DRD2: variants seen among roughly 807,000 people sequenced by gnomAD.
The protein encoded by DRD2 is D(2) dopamine receptor.
DRD2 carries 8 observed loss-of-function variants against 38.0 expected under a neutral mutation model. The ratio of observed to expected loss-of-function variants is 0.21; its 90% CI spans 0.12 to 0.38. DRD2 has a LOEUF of 0.38. Ranked by LOEUF, DRD2 falls within the 10% of genes least tolerant of loss-of-function variation. The probability of loss-of-function intolerance (pLI) is 1.00; values close to 1 mark genes in which losing one functional copy is unlikely to be tolerated. For missense variants in DRD2, 403 were observed against 607.7 expected, an observed-to-expected ratio of 0.66 and a Z score of 3.54; for synonymous variants, 230 against 238.6, an observed-to-expected ratio of 0.96 and a Z score of 0.33.
intron 1 of DRD2, among the ~76,000 whole-genome samples, chr11:113,443,623 C>G (rs1264385251): frequency 6.6e-6 from 1 of 152,226 alleles, no homozygotes; most frequent in African/African-American, 2.4e-5. Context: ...CCTAGCATAC[C>G]AGGAGAGCTG....
chr11:113,456,251 T>C (rs1181856868), intron 1 of DRD2, among the ~76,000 whole-genome samples: 1 of 152,166 alleles, frequency 6.6e-6, no homozygotes, highest in East Asian at 1.9e-4. Context: ...CTCATAGAAG[T>C]AGAAGGTAAA....
At chr11:113,453,887 T>G (rs1187984067) in intron 1 of DRD2, among the ~76,000 whole-genome samples, 3 of 152,246 alleles carry the variant, frequency 2.0e-5, no homozygotes, top group African/African-American at 7.2e-5. Flanking sequence ...ATGTGTAGAA[T>G]TGAGCAATCA....
intron 2 of DRD2, 99 bp from the exon 3 acceptor site, chr11:113,418,235 G>A: frequency 5.2e-6 from 5 of 966,774 alleles, no homozygotes; most frequent in Non-Finnish European, 8.1e-6. Context: ...CACAGACTCA[G>A]GAGGCAGCTG....
chr11:113,470,845 C>A (rs1951416939), intron 1 of DRD2, among the ~76,000 whole-genome samples: 1 of 152,158 alleles, frequency 6.6e-6, no homozygotes, highest in Non-Finnish European at 1.5e-5. Context: ...AGGCCTCAGA[C>A]CCCAGTGTGT....
chr11:113,412,090 A>C (rs1079594), intron 7 of DRD2: 28,149 of 172,316 alleles, frequency 0.16, 2,919 homozygotes, highest in East Asian at 0.38. Flanking sequence ...CAAAAAGAGC[A>C]ATAGTAATAA....
intron 1 of DRD2, among the ~76,000 whole-genome samples, chr11:113,455,368 AT>A (rs1951259671): frequency 6.6e-6 from 1 of 152,170 alleles, no homozygotes; most frequent in African/African-American, 2.4e-5. Flanking sequence ...TCTCAAAAAA[AT>A]AATAATAAAT....
In DRD2 at chr11:113,424,675, G is replaced by T; in HGVS notation, c.-24C>A. 1.2e-6 allele frequency: 2 copies of T among 1,613,588 alleles called. No homozygotes were observed. Among genetic ancestry groups the T allele is most frequent in the Admixed American group, 3.3e-5 (2 of 60,012 alleles). ...ATCAGGGCGGTGGAGCCACTGGGTG[G>T]CCAGGCTCTGGCCAGGAAAAATGGA... On this transcript the variant is annotated 5_prime_UTR_variant, in exon 2 of 8. Coordinates refer to ENST00000362072, the MANE Select transcript of DRD2 (RefSeq NM_000795.4).
chr11:113,428,261 C>T (rs149090837), intron 1 of DRD2, among the ~76,000 whole-genome samples: 87 of 152,316 alleles, frequency 5.7e-4, no homozygotes, highest in African/African-American at 2.0e-3. Flanking sequence ...GGAAGCAGGA[C>T]AGGCCAGAGG....
At chr11:113,460,810 G>A (rs4648317) in intron 1 of DRD2, among the ~76,000 whole-genome samples, 26,055 of 152,184 alleles carry the variant, frequency 0.17, 2,570 homozygotes, top group East Asian at 0.4. Context: ...GAGAAACTGG[G>A]AGGCTCCAGC....
At chr11:113,424,302 G>A in intron 2 of DRD2, 65 bp downstream of exon 2, 4 of 1,544,012 alleles carry the variant, frequency 2.6e-6, no homozygotes, top group Non-Finnish European at 8.9e-7. Context: ...GGGAGCTAGA[G>A]TCCCCAGTGT....
intron 1 of DRD2, among the ~76,000 whole-genome samples, chr11:113,458,434 T>C (rs534723455): frequency 3.5e-4 from 53 of 152,314 alleles, no homozygotes; most frequent in Non-Finnish European, 6.3e-4. Flanking sequence ...TTACTCTTTC[T>C]GAAAACACAG....
chr11:113,432,557 C>G (rs1184281055), intron 1 of DRD2, among the ~76,000 whole-genome samples: 1 of 152,156 alleles, frequency 6.6e-6, no homozygotes, highest in Non-Finnish European at 1.5e-5. Flanking sequence ...GTGAGACACT[C>G]CTGTCTTAAA....
chr11:113,461,722 G>T (rs185199052), intron 1 of DRD2, among the ~76,000 whole-genome samples: 1 of 152,200 alleles, frequency 6.6e-6, no homozygotes, highest in Non-Finnish European at 1.5e-5. Context: ...AGATCCTGGT[G>T]TATAGGAGGC....
intron 1 of DRD2, among the ~76,000 whole-genome samples, chr11:113,430,494 G>A (rs1463063610): frequency 6.6e-6 from 1 of 152,178 alleles, no homozygotes; most frequent in Non-Finnish European, 1.5e-5. Flanking sequence ...TTGTAGAGTG[G>A]ATAGCAATAC....
intron 2 of DRD2, 40 bp downstream of exon 2, chr11:113,424,327 T>C: frequency 6.2e-7 from 1 of 1,605,876 alleles, no homozygotes; most frequent in African/African-American, 1.3e-5. Context: ...TGCAGGGCCC[T>C]GCTGGAGAAA....
chr11:113,413,659 A>G (rs1950792614), intron 6 of DRD2, among the ~76,000 whole-genome samples: 1 of 152,186 alleles, frequency 6.6e-6, no homozygotes, highest in Non-Finnish European at 1.5e-5. Context: ...GTGCAGGTGA[A>G]GGCAGGACAC....
intron 1 of DRD2, among the ~76,000 whole-genome samples, chr11:113,439,340 AGGACG>A (rs1266732603): frequency 6.6e-6 from 1 of 152,224 alleles, no homozygotes; most frequent in African/African-American, 2.4e-5. Flanking sequence ...AGCCTAAAAC[AGGACG>A]AGACTCCCTT....
At chr11:113,443,863 G>T (rs536295153) in intron 1 of DRD2, among the ~76,000 whole-genome samples, 9 of 152,196 alleles carry the variant, frequency 5.9e-5, no homozygotes, top group African/African-American at 2.2e-4. Context: ...TGAGATAACT[G>T]AAAATTCTTA....
intron 1 of DRD2, among the ~76,000 whole-genome samples, chr11:113,459,182 T>C (rs191196449): frequency 1.8e-4 from 27 of 152,228 alleles, no homozygotes; most frequent in African/African-American, 6.0e-4. Context: ...AGATTAAAGC[T>C]GATGCATATA....
Sources: allele counts gnomAD v4.1 joint callset (sites outside exome capture counted in the v4.1 genomes callset), GRCh38; gene constraint gnomAD v4.1.1; transcripts MANE v1.5; gene names NCBI Gene and HGNC (gene_info 2026-07-23, HGNC 2026-07-21).